Variants in SHMT1 observed in about 807,000 individuals in gnomAD.
SHMT1 encodes serine hydroxymethyltransferase 1, also known as serine hydroxymethyltransferase, cytosolic.
Under a neutral mutation model 49.0 loss-of-function variants are expected in SHMT1, and 45 were observed. The observed-to-expected ratio is 0.92, with a 90% CI of 0.72 to 1.18. SHMT1 has a LOEUF of 1.18. Among genes scored for constraint, SHMT1 ranks in the 50% most tolerant of loss-of-function variants. The pLI, the probability that SHMT1 is intolerant of heterozygous loss-of-function variation, is 0.00. For synonymous variants in SHMT1, 232 were observed against 246.6 expected (o/e 0.94, Z 0.55); for missense variants, 541 against 612.4 (o/e 0.88, Z 1.23).
chr17:18,336,614 C>T (rs771335922), intron 7 of SHMT1, among the ~76,000 whole-genome samples: 20 of 151,496 alleles, frequency 1.3e-4, no homozygotes, highest in African/African-American at 4.8e-4. Flanking sequence ...TGTAGCGAGC[C>T]GAGATTGCAC....
At chr17:18,338,574 T>C (rs879238156) in intron 7 of SHMT1, among the ~76,000 whole-genome samples, 31 of 152,202 alleles carry the variant, frequency 2.0e-4, no homozygotes, top group Non-Finnish European at 1.3e-4. Flanking sequence ...CAACAGCTCA[T>C]TGAGAACAGG....
chr17:18,337,468 G>A (rs560407580), intron 7 of SHMT1, among the ~76,000 whole-genome samples: 1 of 152,332 alleles, frequency 6.6e-6, no homozygotes, highest in South Asian at 2.1e-4. Flanking sequence ...GAGGGGGCAT[G>A]TGGCTGTGTC....
chr17:18,353,380 G>C (rs1467187937), intron 3 of SHMT1: 1 of 430,706 alleles, frequency 2.3e-6, no homozygotes, highest in Non-Finnish European at 4.3e-6. Context: ...ACCTTTTCTA[G>C]ACAGAGGCCA....
Position 18,347,583 on chromosome 17 carries a change from C to T in SHMT1, c.432G>A (p.Pro144=), listed in dbSNP as rs151202813. 20 of 1,614,040 alleles carry T rather than the reference C, an allele frequency of 1.2e-5. No homozygotes were observed. The highest frequency in any genetic ancestry group is 5.0e-5 in the Admixed American group (3 of 59,974). Residue 144 remains proline, a synonymous_variant, in exon 5 of 12, where the codon CCG becomes CCA. Coordinates refer to ENST00000316694, the MANE Select transcript of SHMT1 (RefSeq NM_004169.5). ...PHGRIMGLDL[P]DGGHLTHGFM... ...ACCCATGGGTCAGGTGGCCCCCATC[C>T]GGAAGGTCCAGGCCCATGATGCGCC...
chr17:18,361,952 C>T (rs1363354077), intron 1 of SHMT1, among the ~76,000 whole-genome samples: 1 of 152,156 alleles, frequency 6.6e-6, no homozygotes, highest in Admixed American at 6.5e-5. Flanking sequence ...TCCTCAACGT[C>T]AGGGAAAAAG....
chr17:18,329,575 C>T (rs1982954470), intron 10 of SHMT1, among the ~76,000 whole-genome samples, 187 bp from the exon 11 acceptor site: 1 of 152,192 alleles, frequency 6.6e-6, no homozygotes, highest in African/African-American at 2.4e-5. Flanking sequence ...CACGTTTGGC[C>T]ACTCTGACTT....
Position 18,340,812 on chromosome 17 carries a change from A to C in SHMT1, c.521T>G (p.Val174Gly). The C allele has an allele frequency of 6.2e-7, 1 of 1,612,778 alleles. No homozygotes were observed. ...GTTGATGTAGCCAGTATCTGGGTTCACCTGTGGAATGTCAGGGAGGCAGGT... is the reference window on the plus strand; with the variant it reads ...GTTGATGTAGCCAGTATCTGGGTTCCCCTGTGGAATGTCAGGGAGGCAGGT... ...SIFFESMPYK[V>G]NPDTGYINYD... Residue 174 changes from valine to glycine, a missense_variant and splice_region_variant, in exon 6 of 12, where the codon GTG (valine) becomes GGG (glycine). Transcript: ENST00000316694. This position sits in a 1 kb window ranked among gnomAD's most constrained non-coding sequence, Gnocchi z 4.5.
intron 1 of SHMT1, among the ~76,000 whole-genome samples, chr17:18,362,211 G>T (rs557729791): frequency 6.6e-6 from 1 of 152,324 alleles, no homozygotes; most frequent in South Asian, 2.1e-4. Context: ...CAGTTCCAAG[G>T]CCTTGTCCCA....
rs201144456 is a variant in SHMT1, at chr17:18,356,023, T to C, written c.-19-23A>G. On this transcript the variant is annotated intron_variant, in intron 1 of 11. Coordinates refer to ENST00000316694, the MANE Select transcript of SHMT1 (RefSeq NM_004169.5). ...TGCCTAAAAAAATGGGAAAAACATG[T>C]GTAGCTTCCAGAATTAAATTTATTT... 4,970 of 1,076,934 alleles carry C rather than the reference T, an allele frequency of 4.6e-3. 23 individuals are homozygous for C. The highest frequency in any genetic ancestry group is 6.2e-3 in the Non-Finnish European group (4,306 of 695,094). The allele number at this position is 1,076,934 out of a possible 1,614,324, so 66.7% of individuals were successfully genotyped here.
At chr17:18,330,978 T>C in intron 9 of SHMT1, 1 of 407,822 alleles carries the variant, frequency 2.5e-6, no homozygotes, top group Non-Finnish European at 4.7e-6. Flanking sequence ...GCTTGGGCAA[T>C]TCCCTAACAT....
intron 3 of SHMT1, among the ~76,000 whole-genome samples, chr17:18,351,825 A>G (rs1567789476): frequency 6.6e-6 from 1 of 151,720 alleles, no homozygotes; most frequent in Non-Finnish European, 1.5e-5. Flanking sequence ...TTACACTTCT[A>G]TTTAAGTTGT....
At chr17:18,346,789 A>G (rs1985123682) in intron 5 of SHMT1, among the ~76,000 whole-genome samples, 1 of 152,204 alleles carries the variant, frequency 6.6e-6, no homozygotes, top group African/African-American at 2.4e-5. Flanking sequence ...GTCAAACACA[A>G]ACCTTATTTT....
At chr17:18,350,154 C>A (rs1465150450) in intron 3 of SHMT1, among the ~76,000 whole-genome samples, 1 of 151,914 alleles carries the variant, frequency 6.6e-6, no homozygotes, top group Non-Finnish European at 1.5e-5. Flanking sequence ...TGGTGAAACC[C>A]CGTCTCTACT....
At position 18,353,810 on chromosome 17, in the gene SHMT1, T is replaced by G; in HGVS notation, c.104A>C (p.Asn35Thr). 1 of 1,614,184 alleles carries G rather than the reference T, an allele frequency of 6.2e-7. No individual in the cohort carries two copies. The highest frequency in any genetic ancestry group is 8.5e-7 in the Non-Finnish European group (1 of 1,180,002). The stretch of plus-strand genomic sequence containing the variant: ...CCGGTTACTCTCCTTCTTAATGATG[T>G]TGTAAACCTTATGAGAAGAAAACAG... ...PLKDSDVEVY[N>T]IIKKESNRQR... The change falls in exon 3 of 12, where the codon AAC (asparagine) becomes ACC (threonine). Residue 35 changes from asparagine (N) to threonine (T), a missense_variant. By Grantham distance (65) the Asn-to-Thr change is moderately conservative. Transcript: ENST00000316694.
intron 5 of SHMT1, chr17:18,341,368 C>A: frequency 5.9e-6 from 1 of 168,722 alleles, no homozygotes; most frequent in Middle Eastern, 3.0e-3. Context: ...GGGCTGGGCG[C>A]GGTGGCTCAC....
chr17:18,340,544 T>C lies in SHMT1; in HGVS notation c.601+188A>G. 4.3e-6 allele frequency: 3 copies of C among 703,150 alleles called. No individual in the cohort carries two copies. The highest frequency in any genetic ancestry group is 1.7e-5 in the African/African-American group (1 of 57,162). The allele number at this position is 703,150 out of a possible 1,614,324, so 43.6% of individuals were successfully genotyped here. The stretch of plus-strand genomic sequence containing the variant: ...GAACAGTCTCACATCTTAATCTACA[T>C]AGCACAAAAAGCAGCAAACACACAT... On this transcript the variant is annotated intron_variant, in intron 6 of 11. Transcript: ENST00000316694. The surrounding 1 kb of genome is among the most constrained non-coding windows in gnomAD (Gnocchi z 4.5).
rs758066653 is a variant in SHMT1 at position 18,333,174 on chromosome 17, A to G, written c.1046T>C (p.Ile349Thr). 1.5e-5 allele frequency: 24 copies of G among 1,614,002 alleles called. No homozygotes were observed. The highest frequency in any genetic ancestry group is 1.6e-4 in the Middle Eastern group (1 of 6,084). ...ACCATCTGTGTCTCTACCTGTGACT[A>G]TTTTGTAGCCCAGCTCCGTCAGGGC... ...SEALTELGYK[I>T]VTGGSDNHLI... Residue 349 changes from isoleucine to threonine, a missense_variant, in exon 9 of 12, where the codon ATA becomes ACA. Physicochemically the swap from Ile to Thr is moderately conservative, Grantham distance 89 (BLOSUM62 -1). Transcript: ENST00000316694.
chr17:18,337,943 C>T (rs1051268959), intron 7 of SHMT1, among the ~76,000 whole-genome samples: 1 of 152,106 alleles, frequency 6.6e-6, no homozygotes, highest in Non-Finnish European at 1.5e-5. Flanking sequence ...TCCCAGCCGC[C>T]TGCCTTGGCC....
At chr17:18,343,919 TAAAAAAAAAAAAA>T (rs35005892) in intron 5 of SHMT1, among the ~76,000 whole-genome samples, 3 of 106,922 alleles carry the variant, frequency 2.8e-5, no homozygotes, top group Non-Finnish European at 3.7e-5. Context: ...GATACTGTCT[TAAAAAAAAAAAAA>T]AAAAAAAAGT....
Sources: allele counts gnomAD v4.1 joint callset (sites outside exome capture counted in the v4.1 genomes callset), GRCh38; gene constraint gnomAD v4.1.1; non-coding constraint Gnocchi (gnomAD v3.1); transcripts MANE v1.5; gene names NCBI Gene and HGNC (gene_info 2026-07-23, HGNC 2026-07-21).